ITGA9: variants seen among roughly 807,000 people sequenced by gnomAD.
The protein encoded by ITGA9 is integrin alpha-9.
Under a neutral mutation model 127.8 loss-of-function variants are expected in ITGA9, and 56 were observed. The observed-to-expected ratio is 0.44, with a 90% CI of 0.35 to 0.55. ITGA9 has a LOEUF of 0.55. Among genes scored for constraint, ITGA9 ranks in the 20% least tolerant of loss-of-function variants. ITGA9 has a pLI of 0.00. For missense variants in ITGA9, 1,196 were observed against 1,347.1 expected (o/e 0.89, Z 1.76); for synonymous variants, 508 against 514.5 (o/e 0.99, Z 0.17).
intron 23 of ITGA9, among the ~76,000 whole-genome samples, chr3:37,770,766 C>T (rs1349907651): frequency 6.6e-6 from 1 of 152,136 alleles, no homozygotes; most frequent in Non-Finnish European, 1.5e-5. Context: ...GGCCTGGCAC[C>T]GTGGTGGCTT....
chr3:37,641,129 A>G (rs931379965), intron 16 of ITGA9, among the ~76,000 whole-genome samples: 1 of 152,114 alleles, frequency 6.6e-6, no homozygotes, highest in African/African-American at 2.4e-5. Context: ...AGGAGTCCCC[A>G]ACTCCTGGAT....
intron 5 of ITGA9, among the ~76,000 whole-genome samples, chr3:37,498,110 T>C (rs1259055500): frequency 6.6e-6 from 1 of 152,124 alleles, no homozygotes; most frequent in Non-Finnish European, 1.5e-5. Flanking sequence ...GTGCCTCTGG[T>C]GAAAAGGGGT....
intron 15 of ITGA9, among the ~76,000 whole-genome samples, chr3:37,548,768 G>C (rs1468202477): frequency 2.6e-5 from 4 of 152,152 alleles, no homozygotes. Context: ...TTGGACATAT[G>C]TCCTACAGAG....
intron 17 of ITGA9, among the ~76,000 whole-genome samples, chr3:37,669,076 G>A (rs930584646): frequency 6.6e-6 from 1 of 152,174 alleles, no homozygotes; most frequent in African/African-American, 2.4e-5. Flanking sequence ...ACCAGGTAGA[G>A]AACCTCTAGA....
chr3:37,683,779 G>GC, intron 17 of ITGA9, 86 bp from the exon 18 acceptor site: 3 of 1,386,456 alleles, frequency 2.2e-6, no homozygotes, highest in Non-Finnish European at 3.0e-6. Flanking sequence ...CTCGGTTTCT[G>GC]CCCCCCACCT....
chr3:37,536,857 A>G (rs1202675913), intron 14 of ITGA9, among the ~76,000 whole-genome samples: 1 of 152,240 alleles, frequency 6.6e-6, no homozygotes, highest in Non-Finnish European at 1.5e-5. Flanking sequence ...TGGGTTAAAC[A>G]GGTCATGGAC....
intron 20 of ITGA9, among the ~76,000 whole-genome samples, chr3:37,739,471 G>A (rs1696405531): frequency 2.0e-5 from 3 of 152,196 alleles, no homozygotes; most frequent in Admixed American, 2.0e-4. Flanking sequence ...GATCCTTAAA[G>A]CTCCTTATCT....
intron 15 of ITGA9, among the ~76,000 whole-genome samples, chr3:37,560,443 T>G (rs1699475945): frequency 6.6e-6 from 1 of 152,304 alleles, no homozygotes; most frequent in East Asian, 1.9e-4. Flanking sequence ...GTAGCATGAT[T>G]TATAATCCTT....
chr3:37,814,563 C>G lies in ITGA9; in HGVS notation c.3010-4328C>G, dbSNP rs1168719030. Among the ~76,000 whole-genome samples, 1 of 151,924 alleles carries G rather than the reference C, an allele frequency of 6.6e-6. No individual in the cohort carries two copies. Among genetic ancestry groups the G allele is most frequent in the Non-Finnish European group, 1.5e-5 (1 of 67,958 alleles). On this transcript the variant is annotated intron_variant, in intron 27 of 27. Coordinates refer to ENST00000264741, the MANE Select transcript of ITGA9 (RefSeq NM_002207.3). The surrounding 1 kb of genome is among the most constrained non-coding windows in gnomAD (Gnocchi z 4.3). ...CTGGCAACAGAGCGAGACTCCATCC[C>G]CCACCCCCCCAAAAAAGAAACAATA... is the stretch of plus-strand genomic sequence containing the variant.
intron 18 of ITGA9, among the ~76,000 whole-genome samples, chr3:37,703,887 G>A (rs1473784349): frequency 6.6e-6 from 1 of 152,202 alleles, no homozygotes; most frequent in East Asian, 1.9e-4. Flanking sequence ...TTAAGGAGGT[G>A]ACTCAACTTC....
intron 18 of ITGA9, among the ~76,000 whole-genome samples, chr3:37,718,174 G>A (rs909313692): frequency 6.6e-6 from 1 of 152,198 alleles, no homozygotes; most frequent in South Asian, 2.1e-4. Flanking sequence ...CATGAACAAA[G>A]GAATGTAAGA....
At chr3:37,522,647 C>T (rs1312046898) in intron 11 of ITGA9, among the ~76,000 whole-genome samples, 1 of 151,722 alleles carries the variant, frequency 6.6e-6, no homozygotes, top group Admixed American at 6.6e-5. Flanking sequence ...CACTTAAGCC[C>T]AGGAGTTTGA....
chr3:37,512,194 CTTTTCTTTTCT>C (rs1250637137), intron 8 of ITGA9, among the ~76,000 whole-genome samples: 738 of 36,782 alleles, frequency 0.02, 30 homozygotes, highest in East Asian at 0.033. Context: ...CTTTTCTTTT[CTTTTCTTTTCT>C]TTTCTTTCTT....
chr3:37,589,407 A>AAT, intron 15 of ITGA9, among the ~76,000 whole-genome samples: 1 of 152,364 alleles, frequency 6.6e-6, no homozygotes, highest in East Asian at 1.9e-4. Flanking sequence ...TAGTGGAGCT[A>AAT]ACATCCTAGC....
intron 3 of ITGA9, among the ~76,000 whole-genome samples, chr3:37,478,985 C>G (rs146923146): frequency 5.3e-5 from 8 of 152,302 alleles, no homozygotes; most frequent in Non-Finnish European, 8.8e-5. Context: ...AGCTGGCTAT[C>G]AGACAGCACC....
At chr3:37,700,069 C>T (rs1220838105) in intron 18 of ITGA9, among the ~76,000 whole-genome samples, 5 of 152,124 alleles carry the variant, frequency 3.3e-5, no homozygotes, top group African/African-American at 4.8e-5. Context: ...CTGCAACCTC[C>T]GCCTCCCTGG....
At chr3:37,561,799 T>A (rs2125600072) in intron 15 of ITGA9, among the ~76,000 whole-genome samples, 1 of 152,298 alleles carries the variant, frequency 6.6e-6, no homozygotes, top group East Asian at 1.9e-4. Flanking sequence ...GGGTCATGCC[T>A]GGAGAGGTGG....
intron 18 of ITGA9, among the ~76,000 whole-genome samples, chr3:37,730,558 C>G (rs1485387867): frequency 6.6e-6 from 1 of 152,170 alleles, no homozygotes; most frequent in Non-Finnish European, 1.5e-5. Context: ...ATGTAAACAC[C>G]TATGTCTCTG....
chr3:37,636,259 G>T (rs1700277761), intron 16 of ITGA9, among the ~76,000 whole-genome samples: 1 of 152,262 alleles, frequency 6.6e-6, no homozygotes, highest in East Asian at 1.9e-4. Flanking sequence ...CAGTGTAAAA[G>T]TCTTCCTATT....
Sources: gnomAD v4.1 joint callset for allele counts (sites outside exome capture counted in the v4.1 genomes callset) on GRCh38, gnomAD v4.1.1 for gene constraint, Gnocchi (gnomAD v3.1) non-coding constraint, MANE v1.5 for transcripts, NCBI Gene and HGNC (gene_info 2026-07-23, HGNC 2026-07-21) for gene names.